The following CENPE variants were observed in gnomAD, a reference collection of about 807,000 sequenced individuals.
CENPE encodes the protein centromere protein E.
Under a neutral mutation model 336.1 loss-of-function variants are expected in CENPE, and 145 were observed. The observed-to-expected ratio is 0.43, with a 90% CI of 0.38 to 0.50. CENPE has a LOEUF of 0.50. CENPE is among the 20% of genes least tolerant of loss of function. The pLI, the probability that CENPE is intolerant of heterozygous loss-of-function variation, is 0.00. For synonymous variants in CENPE, 1,013 were observed against 984.8 expected (o/e 1.03, Z -0.54); for missense variants, 2,719 against 3,023.3 (o/e 0.90, Z 2.36).
chr4:103,141,762 T>C lies in CENPE; in HGVS notation c.5451A>G (p.Lys1817=), dbSNP rs150429050. 8.5e-6 allele frequency: 13 copies of C among 1,524,694 alleles called. No individual in the cohort carries two copies. Among genetic ancestry groups the C allele is most frequent in the Non-Finnish European group, 1.2e-5 (13 of 1,113,612 alleles). 94.4% of individuals were successfully genotyped at this position (1,524,694 alleles called of 1,614,324 possible). The change falls in exon 35 of 49, where the codon AAA becomes AAG. Residue 1817 remains lysine (K), a synonymous_variant. Transcript: ENST00000265148. ...MQKDLENSNA[K]LQEKIQELKA... ...CCCATAAAAATACCTTTTCTTGTAA[T>C]TTAGCATTTGAATTTTCTAAATCTT...
chr4:103,158,735 T>C lies in CENPE; in HGVS notation c.2753A>G (p.Gln918Arg). 1 of 1,613,174 alleles carries C rather than the reference T, an allele frequency of 6.2e-7. No individual in the cohort carries two copies. Among genetic ancestry groups the C allele is most frequent in the South Asian group, 1.1e-5 (1 of 91,038 alleles). ...REKTLITEKLQQTLEEVKTLT... is the reference protein window; with the variant it reads ...REKTLITEKLRQTLEEVKTLT... Reference sequence around the variant, plus strand: ...AGTTTTTACTTCTTCTAAAGTTTGCTGCAGTTTCTCAGTAATCAGTGTTTT... The same window carrying C: ...AGTTTTTACTTCTTCTAAAGTTTGCCGCAGTTTCTCAGTAATCAGTGTTTT... Residue 918 changes from glutamine to arginine, a missense_variant, in exon 23 of 49, where the codon CAG becomes CGG. By Grantham distance (43) the Gln-to-Arg change is conservative. Coordinates refer to ENST00000265148, the MANE Select transcript of CENPE (RefSeq NM_001813.3).
rs960269141 is a variant in CENPE, at chr4:103,149,107, G to C, written c.3687+11C>G. On this transcript the variant is annotated intron_variant, in intron 27 of 48. Transcript: ENST00000265148. ...AACACTTAATAGATGAAGGAAAAGG[G>C]TATAACTTACTGTAGCTTCAATTTC... The C allele has an allele frequency of 6.3e-7, 1 of 1,584,740 alleles. No individual in the cohort carries two copies.
In CENPE at chr4:103,149,227, T is replaced by A; in HGVS notation, c.3578A>T (p.Glu1193Val). The part of the protein sequence containing the change: ...ELAQKLNENY[E>V]EVKSITKERK... ...TTCTTTGGTTATAGATTTCACTTCC[T>A]CATAATTTTCATTAAGTTTCTGAGC... Residue 1193 changes from glutamate (E) to valine (V), a missense_variant, in exon 27 of 49, where the codon GAG becomes GTG. Glu to Val is a moderately radical substitution (Grantham distance 121). Transcript: ENST00000265148. 6.2e-7 allele frequency: 1 copy of A among 1,612,994 alleles called. No homozygotes were observed. Among genetic ancestry groups the A allele is most frequent in the Non-Finnish European group, 8.5e-7 (1 of 1,179,812 alleles).
Position 103,149,107 on chromosome 4 carries a change from G to T in CENPE, c.3687+11C>A. 1 of 1,584,740 alleles carries T rather than the reference G, an allele frequency of 6.3e-7. No individual in the cohort carries two copies. The highest frequency in any genetic ancestry group is 8.5e-7 in the Non-Finnish European group (1 of 1,172,126). Reference sequence around the variant, plus strand: ...AACACTTAATAGATGAAGGAAAAGGGTATAACTTACTGTAGCTTCAATTTC... The same window carrying T: ...AACACTTAATAGATGAAGGAAAAGGTTATAACTTACTGTAGCTTCAATTTC... On this transcript the variant is annotated intron_variant, in intron 27 of 48. Transcript: ENST00000265148.
chr4:103,141,852 C>T lies in CENPE; in HGVS notation c.5361G>A (p.Gln1787=). 6.2e-7 allele frequency: 1 copy of T among 1,601,986 alleles called. No individual in the cohort carries two copies. Among genetic ancestry groups the T allele is most frequent in the East Asian group, 2.2e-5 (1 of 44,464 alleles). Residue 1787 remains glutamine, a synonymous_variant, in exon 35 of 49, where the codon CAG becomes CAA. Transcript: ENST00000265148. ...RIAHMHLKEQ[Q]ETIDKLRGIV... ...TTCCTCTGAGTTTGTCAATAGTTTCCTGCTGCTCTTTCAGATGCATGTGAG... is the reference window on the plus strand; with the variant it reads ...TTCCTCTGAGTTTGTCAATAGTTTCTTGCTGCTCTTTCAGATGCATGTGAG...
intron 16 of CENPE, 29 bp downstream of exon 16, chr4:103,174,707 G>T: frequency 7.1e-7 from 1 of 1,417,966 alleles, no homozygotes; most frequent in African/African-American, 1.5e-5. Context: ...TATGCTTTTA[G>T]TTTAGTTTTA....
intron 10 of CENPE, 89 bp from the exon 11 acceptor site, chr4:103,182,980 G>T: frequency 7.6e-7 from 1 of 1,318,544 alleles, no homozygotes; most frequent in Non-Finnish European, 1.0e-6. Flanking sequence ...TCTTAAATCA[G>T]CCAGAGTTTC....
intron 16 of CENPE, among the ~76,000 whole-genome samples, chr4:103,171,851 C>T (rs914953400): frequency 2.0e-5 from 3 of 151,566 alleles, no homozygotes; most frequent in South Asian, 2.1e-4. Flanking sequence ...CAATTATATG[C>T]CAATAAATTG....
In CENPE at chr4:103,145,903, G is replaced by A; in HGVS notation, c.4339C>T (p.Leu1447=). ...MKSVAKEKDD[L]QRLQEVLQSE... is the part of the protein sequence containing the mutation. The stretch of plus-strand genomic sequence containing the variant: ...TGAAGAACTTCTTGCAGCCTCTGTA[G>A]GTCATCTTTCTCCTTAGCTACAGAT... Residue 1447 remains leucine, a synonymous_variant, in exon 30 of 49, where the codon CTA becomes TTA. Coordinates refer to ENST00000265148, the MANE Select transcript of CENPE (RefSeq NM_001813.3). The A allele has an allele frequency of 6.2e-7, 1 of 1,613,748 alleles. No individual in the cohort carries two copies. Among genetic ancestry groups the A allele is most frequent in the Non-Finnish European group, 8.5e-7 (1 of 1,179,848 alleles).
intron 48 of CENPE, among the ~76,000 whole-genome samples, chr4:103,108,057 C>G (rs1388828872): frequency 6.6e-6 from 1 of 152,132 alleles, no homozygotes; most frequent in Non-Finnish European, 1.5e-5. Flanking sequence ...TTCAACTCTT[C>G]CCCTGGTCAT....
intron 41 of CENPE, 45 bp downstream of exon 41, chr4:103,133,650 A>T: frequency 7.6e-7 from 1 of 1,310,422 alleles, no homozygotes; most frequent in Non-Finnish European, 1.1e-6. Context: ...TCTACTTGAT[A>T]AAAAGGCTTA....
intron 4 of CENPE, among the ~76,000 whole-genome samples, chr4:103,195,537 G>A (rs767493657): frequency 1.3e-5 from 2 of 151,920 alleles, no homozygotes; most frequent in African/African-American, 2.4e-5. Context: ...CAACTAACTC[G>A]GTTGCCTATT....
chr4:103,149,050 C>A (rs1244991382), intron 27 of CENPE, 51 bp from the exon 28 acceptor site: 2 of 1,591,358 alleles, frequency 1.3e-6, no homozygotes, highest in Non-Finnish European at 1.7e-6. Flanking sequence ...AACATTGCTC[C>A]CCTCTTTCCA....
At chr4:103,136,652 A>G (rs978416880) in intron 39 of CENPE, among the ~76,000 whole-genome samples, 8 of 152,214 alleles carry the variant, frequency 5.3e-5, no homozygotes, top group Admixed American at 3.3e-4. Context: ...AATATCCATG[A>G]TATGAATCAA....
chr4:103,181,073 T>C (rs1162360927), intron 12 of CENPE, among the ~76,000 whole-genome samples: 1 of 152,132 alleles, frequency 6.6e-6, no homozygotes, highest in Non-Finnish European at 1.5e-5. Context: ...AAGAAATGTC[T>C]CTACTTGGCC....
At chr4:103,126,690 G>A (rs1049656234) in intron 42 of CENPE, among the ~76,000 whole-genome samples, 2 of 152,104 alleles carry the variant, frequency 1.3e-5, no homozygotes, top group Non-Finnish European at 2.9e-5. Flanking sequence ...AAAAGCAGAC[G>A]ACTTGCAAGA....
chr4:103,183,954 A>G (rs902860282), intron 9 of CENPE, among the ~76,000 whole-genome samples: 1 of 152,144 alleles, frequency 6.6e-6, no homozygotes, highest in Admixed American at 6.5e-5. Context: ...GTAAACACTG[A>G]TCTTTTTCAT....
At chr4:103,160,327 G>T (rs1468913446) in intron 21 of CENPE, among the ~76,000 whole-genome samples, 1 of 151,704 alleles carries the variant, frequency 6.6e-6, no homozygotes, top group Non-Finnish European at 1.5e-5. Flanking sequence ...AAAGACTAAG[G>T]GTGGGCCGTA....
At chr4:103,195,545 A>C (rs1757671456) in intron 4 of CENPE, among the ~76,000 whole-genome samples, 1 of 152,076 alleles carries the variant, frequency 6.6e-6, no homozygotes, top group Non-Finnish European at 1.5e-5. Flanking sequence ...TCGGTTGCCT[A>C]TTCTGGCTTT....
Sources: gnomAD v4.1 joint callset for allele counts (sites outside exome capture counted in the v4.1 genomes callset) on GRCh38, gnomAD v4.1.1 for gene constraint, MANE v1.5 for transcripts, NCBI Gene and HGNC (gene_info 2026-07-23, HGNC 2026-07-21) for gene names.